The following GRB10 variants were observed in gnomAD, a reference collection of about 807,000 sequenced individuals.
GRB10 encodes the protein growth factor receptor bound protein 10, also known as growth factor receptor-bound protein 10.
Under a neutral mutation model 80.9 loss-of-function variants are expected in GRB10, and 20 were observed. The ratio of observed to expected loss-of-function variants is 0.25; its 90% CI spans 0.17 to 0.36. The LOEUF (loss-of-function observed/expected upper bound fraction) is 0.36. GRB10 is among the 10% of genes least tolerant of loss of function. The pLI is 1.00. For synonymous variants in GRB10, 291 were observed against 291.5 expected, an observed-to-expected ratio of 1.00 and a Z score of 0.02; for missense variants, 548 against 747.7, an observed-to-expected ratio of 0.73 and a Z score of 3.12.
intron 13 of GRB10, among the ~76,000 whole-genome samples, chr7:50,611,302 G>A (rs1713861794): frequency 6.6e-6 from 1 of 152,316 alleles, no homozygotes; most frequent in East Asian, 1.9e-4. Flanking sequence ...GACACAAAGA[G>A]CAATCTCATT....
rs1192538331 is a variant in GRB10 at position 50,674,441 on chromosome 7, A to C, written c.357T>G (p.Ala119=). 1 of 1,604,154 alleles carries C rather than the reference A, an allele frequency of 6.2e-7. No individual in the cohort carries two copies. Among genetic ancestry groups the C allele is most frequent in the Non-Finnish European group, 8.5e-7 (1 of 1,179,934 alleles). ...VQRSQPVHIL[A]VRRLQEEDQQ... ...CCCATAAGGCCTGGACCTACCTGAC[A>C]GCGAGGATGTGCACAGGCTGGGAGC... The change falls in exon 6 of 19, where the codon GCT becomes GCG. Residue 119 remains alanine (A), a synonymous_variant. Transcript: ENST00000401949.
chr7:50,734,577 A>G (rs1306515854), intron 3 of GRB10, among the ~76,000 whole-genome samples: 1 of 152,232 alleles, frequency 6.6e-6, no homozygotes, highest in African/African-American at 2.4e-5. Context: ...TGTGTTTGAC[A>G]TATAGAAATA....
chr7:50,667,663 G>GAA (rs759613535), intron 7 of GRB10, among the ~76,000 whole-genome samples: 3 of 142,444 alleles, frequency 2.1e-5, no homozygotes, highest in African/African-American at 7.7e-5. Flanking sequence ...AGCAAGTCGG[G>GAA]AAAAAAAAAA....
At chr7:50,740,119 C>T (rs895020499) in intron 3 of GRB10, among the ~76,000 whole-genome samples, 9 of 152,326 alleles carry the variant, frequency 5.9e-5, no homozygotes, top group South Asian at 4.1e-4. Flanking sequence ...TACTGCATTC[C>T]TTAGGAAATC....
rs750530063 is a variant in GRB10, at chr7:50,669,840, T to C, written c.386A>G (p.Gln129Arg). The C allele has an allele frequency of 6.2e-7, 1 of 1,613,292 alleles. No homozygotes were observed. The highest frequency in any genetic ancestry group is 1.1e-5 in the South Asian group (1 of 90,862). Residue 129 changes from glutamine (Q) to arginine (R), a missense_variant, in exon 7 of 19, where the codon CAG becomes CGG. Physicochemically the swap from Gln to Arg is conservative, Grantham distance 43. Transcript: ENST00000401949. Reference protein sequence around the residue: ...AVRRLQEEDQQFRTSSLPAIP... With the variant: ...AVRRLQEEDQRFRTSSLPAIP... ...GGCCGGCAGAGATGAGGTTCTAAAC[T>C]GCTGGTCTTCCTCCTGAAGGCGCCT...
At chr7:50,718,757 C>A (rs1359123494) in intron 4 of GRB10, among the ~76,000 whole-genome samples, 3 of 152,152 alleles carry the variant, frequency 2.0e-5, no homozygotes, top group Non-Finnish European at 4.4e-5. Flanking sequence ...ACCGTCGAAA[C>A]CCTGAGAGCA....
In GRB10 at chr7:50,659,394, A is replaced by G. The variant is rs149498998; in HGVS notation, c.504+10328T>C. On this transcript the variant is annotated intron_variant, in intron 7 of 18. Transcript: ENST00000401949. ...ACCCAGAAAGCTAGACCCTACTCAA[A>G]CCACGGAGAGCTGAGGGAGCCTAGC... Among the ~76,000 whole-genome samples the G allele has an allele frequency of 8.2e-3, 1,256 of 152,248 alleles. 16 individuals are homozygous for G. Among genetic ancestry groups the G allele is most frequent in the African/African-American group, 0.029 (1,199 of 41,566 alleles).
intron 5 of GRB10, among the ~76,000 whole-genome samples, chr7:50,688,837 C>T (rs2062424714): frequency 6.6e-6 from 1 of 152,074 alleles, no homozygotes; most frequent in South Asian, 2.1e-4. Context: ...TGGGAGAAAC[C>T]GAACTGTCGG....
At chr7:50,697,251 T>C (rs73118830) in intron 5 of GRB10, among the ~76,000 whole-genome samples, 10,978 of 152,284 alleles carry the variant, frequency 0.072, 630 homozygotes, top group South Asian at 0.12. Context: ...ACATGACCAA[T>C]GCCACTTAAT....
chr7:50,687,495 T>C lies in GRB10; in HGVS notation c.140-12837A>G, dbSNP rs549708814. Reference sequence around the variant, plus strand: ...ATTCAACGTCTGCCCTGGGCTTTTCTGCTCTGAGAAACCCCAGCCACCTCT... The same window carrying C: ...ATTCAACGTCTGCCCTGGGCTTTTCCGCTCTGAGAAACCCCAGCCACCTCT... On this transcript the variant is annotated intron_variant, in intron 5 of 18. Coordinates refer to ENST00000401949, the MANE Select transcript of GRB10 (RefSeq NM_001350814.2). Among the ~76,000 whole-genome samples the C allele has an allele frequency of 3.3e-5, 5 of 152,308 alleles. No individual in the cohort carries two copies. In the South Asian group the frequency reaches 1.0e-3, roughly 32 times the overall value.
Position 50,616,377 on chromosome 7 carries a change from T to C in GRB10, c.847-30A>G. 3.8e-6 allele frequency: 6 copies of C among 1,595,162 alleles called. No individual in the cohort carries two copies. In the South Asian group the frequency reaches 5.5e-5, roughly 15 times the overall value. Reference sequence around the variant, plus strand: ...TGAAGAACAAATTTTTAAAATCACATAATGCTAATCTAAAATAATTAAAGC... The same window carrying C: ...TGAAGAACAAATTTTTAAAATCACACAATGCTAATCTAAAATAATTAAAGC... On this transcript the variant is annotated intron_variant, in intron 10 of 18. Coordinates refer to ENST00000401949, the MANE Select transcript of GRB10 (RefSeq NM_001350814.2).
chr7:50,605,653 G>A (rs1018012979), intron 14 of GRB10, among the ~76,000 whole-genome samples: 2 of 152,110 alleles, frequency 1.3e-5, no homozygotes, highest in Non-Finnish European at 2.9e-5. Flanking sequence ...TGCTGGTGAG[G>A]CCCCCGGCAC....
intron 7 of GRB10, among the ~76,000 whole-genome samples, chr7:50,658,961 C>T (rs535027799): frequency 2.0e-3 from 311 of 152,260 alleles, no homozygotes; most frequent in African/African-American, 7.2e-3. Context: ...GAGAGACCTC[C>T]GCTTTAGCAA....
intron 3 of GRB10, among the ~76,000 whole-genome samples, chr7:50,741,565 A>C (rs886699): frequency 0.83 from 117,324 of 141,084 alleles, 49,120 homozygotes; most frequent in East Asian, 0.95. Context: ...AAAAAAAAAA[A>C]AAAAAAAAAA....
intron 8 of GRB10, among the ~76,000 whole-genome samples, chr7:50,621,991 C>T (rs750459173): frequency 6.6e-6 from 1 of 152,216 alleles, no homozygotes; most frequent in Non-Finnish European, 1.5e-5. Flanking sequence ...GGGGCCATGG[C>T]AGAGCCGGTG....
intron 2 of GRB10, among the ~76,000 whole-genome samples, chr7:50,772,280 T>C (rs1184275491): frequency 6.6e-6 from 1 of 152,198 alleles, no homozygotes; most frequent in East Asian, 1.9e-4. Flanking sequence ...GACGCCACAC[T>C]ATAACATAAA....
chr7:50,614,900 G>A lies in GRB10; in HGVS notation c.985-20C>T, dbSNP rs1382130241. The A allele has an allele frequency of 1.3e-6, 2 of 1,525,864 alleles. No homozygotes were observed. Among genetic ancestry groups the A allele is most frequent in the African/African-American group, 2.7e-5 (2 of 73,252 alleles). The allele number at this position is 1,525,864 out of a possible 1,614,324, so 94.5% of individuals were successfully genotyped here. A position where few individuals can be genotyped will look rare whatever the true frequency, so the allele number is the denominator to read the frequency against. On this transcript the variant is annotated intron_variant, in intron 11 of 18. Coordinates refer to ENST00000401949, the MANE Select transcript of GRB10 (RefSeq NM_001350814.2). The stretch of plus-strand genomic sequence containing the variant: ...GGGTTCCTGTGACAACACTGGCCAG[G>A]TTAAAGTCTCAAGCACAGCAAAGAG...
intron 14 of GRB10, 103 bp from the exon 15 acceptor site, chr7:50,605,509 A>T: frequency 1.6e-5 from 15 of 965,784 alleles, no homozygotes; most frequent in Non-Finnish European, 2.5e-5. Flanking sequence ...GGAGCAGGGA[A>T]TGCCTGCTTT....
upstream of GRB10, among the ~76,000 whole-genome samples, chr7:50,787,890 T>A (rs2078760262): frequency 6.6e-6 from 1 of 151,934 alleles, no homozygotes; most frequent in South Asian, 2.1e-4. Context: ...GTGGCCAGGG[T>A]GAAAAGATGG....
Sources: allele counts gnomAD v4.1 joint callset (sites outside exome capture counted in the v4.1 genomes callset), GRCh38; gene constraint gnomAD v4.1.1; transcripts MANE v1.5; gene names NCBI Gene and HGNC (gene_info 2026-07-23, HGNC 2026-07-21).